AFTPH: variants seen among roughly 807,000 people sequenced by gnomAD.
The protein encoded by AFTPH is aftiphilin.
Under a neutral mutation model 72.5 loss-of-function variants are expected in AFTPH, and 7 were observed. The observed-to-expected ratio is 0.10, with a 90% confidence interval of 0.05 to 0.18. The LOEUF (loss-of-function observed/expected upper bound fraction) is 0.18, where lower values mean the gene tolerates loss of function less well. Ranked by LOEUF, AFTPH falls within the 10% of genes least tolerant of loss-of-function variation. The pLI is 1.00. For missense variants in AFTPH, 979 were observed against 1,060.5 expected (o/e 0.92, Z 1.07); for synonymous variants, 337 against 370.1 (o/e 0.91, Z 1.03).
chr2:64,576,132 A>C (rs1672780268), intron 6 of AFTPH, among the ~76,000 whole-genome samples: 1 of 131,458 alleles, frequency 7.6e-6, no homozygotes, highest in Non-Finnish European at 1.6e-5. Context: ...TGTCATACAA[A>C]TGAAATACGT....
chr2:64,551,778 G>A, exon 2 of AFTPH: 1 of 1,613,584 alleles, frequency 6.2e-7, no homozygotes. Flanking sequence ...TCCTGTGAAA[G>A]GACAGTCTGA....
At chr2:64,565,339 G>A (rs1026086368) in intron 2 of AFTPH, among the ~76,000 whole-genome samples, 1 of 151,950 alleles carries the variant, frequency 6.6e-6, no homozygotes, top group Admixed American at 6.5e-5. Context: ...GCTGGGCGCG[G>A]TGGTGGGCAC....
chr2:64,531,819 A>G lies in AFTPH; in HGVS notation c.-33+7207A>G, dbSNP rs1669646030. ...CTGTTTCTTTTTAAATGTGGCTACTAGAAGATTTTTAATTGCATATATGGC... is the reference window on the plus strand; with the variant it reads ...CTGTTTCTTTTTAAATGTGGCTACTGGAAGATTTTTAATTGCATATATGGC... On this transcript the variant is annotated intron_variant, in intron 1 of 8. Coordinates refer to ENST00000238856, the Ensembl canonical transcript of AFTPH. Among the ~76,000 whole-genome samples the G allele has an allele frequency of 1.2e-4, 19 of 152,352 alleles. No individual in the cohort carries two copies. The South Asian group carries it at 3.9e-3, about 32-fold the overall frequency.
chr2:64,547,237 T>C (rs1177033369), intron 1 of AFTPH, among the ~76,000 whole-genome samples: 1 of 152,216 alleles, frequency 6.6e-6, no homozygotes, highest in Non-Finnish European at 1.5e-5. Context: ...TTCTTCTTCT[T>C]CAATCTGAAA....
chr2:64,579,455 T>G, intron 6 of AFTPH, 31 bp from the exon 7 acceptor site: 1 of 1,600,382 alleles, frequency 6.2e-7, no homozygotes, highest in Non-Finnish European at 8.6e-7. Flanking sequence ...CCTGTACTGA[T>G]TAATTTTGAT....
chr2:64,586,996 C>A (rs1420764472), intron 8 of AFTPH, among the ~76,000 whole-genome samples: 7 of 152,136 alleles, frequency 4.6e-5, no homozygotes, highest in Non-Finnish European at 1.0e-4. Flanking sequence ...CCTTTGTTTC[C>A]CCTGCAGTCT....
chr2:64,552,404 C>T, exon 2 of AFTPH: 1 of 1,614,042 alleles, frequency 6.2e-7, no homozygotes, highest in Non-Finnish European at 8.5e-7. Context: ...ACAGAGGTTT[C>T]AGTGTTGAAA....
chr2:64,542,393 A>G (rs1332282336), intron 1 of AFTPH, among the ~76,000 whole-genome samples: 4 of 152,188 alleles, frequency 2.6e-5, no homozygotes, highest in African/African-American at 7.2e-5. Context: ...AATCTTTTCC[A>G]TCCCAACCAA....
chr2:64,589,359 G>GT (rs550657500), intron 8 of AFTPH, among the ~76,000 whole-genome samples: 3 of 152,180 alleles, frequency 2.0e-5, no homozygotes, highest in Non-Finnish European at 4.4e-5. Flanking sequence ...AATTGATCAT[G>GT]TTTTTTTCCT....
chr2:64,588,718 G>A (rs1240283045), intron 8 of AFTPH, among the ~76,000 whole-genome samples: 1 of 152,104 alleles, frequency 6.6e-6, no homozygotes, highest in Admixed American at 6.6e-5. Context: ...TATATCTTCT[G>A]TGGAGAAATA....
At chr2:64,586,890 A>G (rs1673551492) in intron 8 of AFTPH, among the ~76,000 whole-genome samples, 1 of 152,266 alleles carries the variant, frequency 6.6e-6, no homozygotes, top group Non-Finnish European at 1.5e-5. Flanking sequence ...GCTAACACAC[A>G]TTTGACTTAA....
intron 2 of AFTPH, among the ~76,000 whole-genome samples, chr2:64,562,126 C>G (rs1251600846): frequency 6.6e-6 from 1 of 152,066 alleles, no homozygotes; most frequent in African/African-American, 2.4e-5. Flanking sequence ...AGTAATACTT[C>G]TGGAGTTTCT....
chr2:64,569,640 G>A (rs1487479249), exon 5 of AFTPH: 14 of 1,613,722 alleles, frequency 8.7e-6, no homozygotes, highest in Non-Finnish European at 1.2e-5. Context: ...CGGGCAATAA[G>A]AAGCAGCCTG....
At chr2:64,535,679 C>G (rs1051702499) in intron 1 of AFTPH, among the ~76,000 whole-genome samples, 1 of 152,170 alleles carries the variant, frequency 6.6e-6, no homozygotes, top group Non-Finnish European at 1.5e-5. Flanking sequence ...AGTTCTCCAG[C>G]CTTGATAGAA....
At chr2:64,555,808 C>G (rs1389658035) in intron 2 of AFTPH, among the ~76,000 whole-genome samples, 1 of 152,116 alleles carries the variant, frequency 6.6e-6, no homozygotes, top group Non-Finnish European at 1.5e-5. Flanking sequence ...CAAAGACTCT[C>G]GTTCTTACCC....
At chr2:64,564,477 G>T (rs1355238167) in intron 2 of AFTPH, among the ~76,000 whole-genome samples, 1 of 152,040 alleles carries the variant, frequency 6.6e-6, no homozygotes, top group African/African-American at 2.4e-5. Flanking sequence ...GGGCAGAAAT[G>T]GTGGTAGACG....
intron 2 of AFTPH, among the ~76,000 whole-genome samples, chr2:64,563,067 C>G (rs979067742): frequency 6.6e-6 from 1 of 152,156 alleles, no homozygotes; most frequent in Non-Finnish European, 1.5e-5. Flanking sequence ...TGTGCCCCCA[C>G]CTAATCAAAA....
At chr2:64,528,211 T>C (rs1199995143) in intron 1 of AFTPH, among the ~76,000 whole-genome samples, 2 of 152,250 alleles carry the variant, frequency 1.3e-5, no homozygotes, top group Non-Finnish European at 2.9e-5. Context: ...GTTCTATTTA[T>C]GTAAATATTT....
At chr2:64,538,356 A>G (rs1401183663) in intron 1 of AFTPH, among the ~76,000 whole-genome samples, 2 of 152,174 alleles carry the variant, frequency 1.3e-5, no homozygotes, top group Non-Finnish European at 2.9e-5. Flanking sequence ...AAAAAGGTCA[A>G]CCAGCTAGGA....
Sources: gnomAD v4.1 joint callset for allele counts (sites outside exome capture counted in the v4.1 genomes callset) on GRCh38, gnomAD v4.1.1 for gene constraint, MANE v1.5 for transcripts, NCBI Gene and HGNC (gene_info 2026-07-23, HGNC 2026-07-21) for gene names.